SLC2A3: variants seen among roughly 807,000 people sequenced by gnomAD.
SLC2A3 encodes solute carrier family 2 member 3.
A neutral mutation model predicts 46.4 loss-of-function variants in SLC2A3; 21 were observed. That is an observed-to-expected ratio of 0.45 (90% CI 0.32 to 0.65). The LOEUF is 0.65. Among genes scored for constraint, SLC2A3 ranks in the 30% least tolerant of loss-of-function variants. The pLI, the probability that SLC2A3 is intolerant of heterozygous loss-of-function variation, is 0.04. For synonymous variants in SLC2A3, 213 were observed against 239.4 expected (o/e 0.89, Z 1.02); for missense variants, 499 against 623.3 (o/e 0.80, Z 2.12).
intron 8 of SLC2A3, among the ~76,000 whole-genome samples, chr12:7,923,686 C>A (rs1946063920): frequency 6.6e-6 from 1 of 151,694 alleles, no homozygotes; most frequent in Middle Eastern, 3.4e-3. Context: ...TCTTGAACTT[C>A]TGGGCTCAAG....
intron 6 of SLC2A3, among the ~76,000 whole-genome samples, chr12:7,928,314 C>T (rs1434096379): frequency 6.6e-6 from 1 of 151,358 alleles, no homozygotes; most frequent in African/African-American, 2.4e-5. Flanking sequence ...AGGAGAATCG[C>T]TTGAACCCAG....
chr12:7,934,030 G>T, intron 1 of SLC2A3, 128 bp from the exon 2 acceptor site: 3 of 804,794 alleles, frequency 3.7e-6, no homozygotes, highest in East Asian at 2.7e-5. Context: ...CATCCAATGA[G>T]ATTTAGGTAA....
chr12:7,936,130 A>G lies in SLC2A3; in HGVS notation c.-96T>C. The G allele has an allele frequency of 4.7e-6, 5 of 1,062,352 alleles. No individual in the cohort carries two copies. The highest frequency in any genetic ancestry group is 7.3e-6 in the Non-Finnish European group (5 of 680,512). The allele number at this position is 1,062,352 out of a possible 1,614,324, so 65.8% of individuals were successfully genotyped here. On this transcript the variant is annotated 5_prime_UTR_variant, in exon 1 of 10. Transcript: ENST00000075120. ...AAACCTTCAAAATGTCCTTCTCAGC[A>G]GCAAGTTTTCTCCACGTCCTCAGGA...
rs560656424 is a variant in SLC2A3, at chr12:7,930,991, T to G, written c.510+254A>C. ...TTTTGTGTTTTTAGTAGAGATGGGG[T>G]TTCACCATGTTAGCCAGGCTGGTCT... On this transcript the variant is annotated intron_variant, in intron 4 of 9. Coordinates refer to ENST00000075120, the MANE Select transcript of SLC2A3 (RefSeq NM_006931.3). Among the ~76,000 whole-genome samples, 238 of 151,940 alleles carry G rather than the reference T, an allele frequency of 1.6e-3. 1 individual carries two copies. The highest frequency in any genetic ancestry group is 2.9e-3 in the Non-Finnish European group (197 of 67,938).
At chr12:7,924,988 C>G (rs1175363093) in intron 7 of SLC2A3, among the ~76,000 whole-genome samples, 1 of 152,282 alleles carries the variant, frequency 6.6e-6, no homozygotes, top group Non-Finnish European at 1.5e-5. Context: ...CATGGAGAAC[C>G]AATTAAGTCT....
rs1565604324 is a variant in SLC2A3, at chr12:7,930,471, G to GA, written c.673+8dup. ...ATAATTCATGTAGTAAGGTGTGAAG[G>GA]ATACTCACTCTGCTTAGCATTCTCC... On this transcript the variant is annotated intron_variant, in intron 5 of 9. Transcript: ENST00000075120. The GA allele has an allele frequency of 6.2e-7, 1 of 1,611,842 alleles. No individual in the cohort carries two copies. The highest frequency in any genetic ancestry group is 1.7e-5 in the Admixed American group (1 of 59,906).
In SLC2A3 at chr12:7,932,847, C is replaced by A. The variant is rs762111529; in HGVS notation, c.269+140G>T. On this transcript the variant is annotated intron_variant, in intron 3 of 9. Coordinates refer to ENST00000075120, the MANE Select transcript of SLC2A3 (RefSeq NM_006931.3). ...CAAGCAAGGGCAGTCATATTCGGGG[C>A]CAGTTGGACTAGGTTTCCCTTGATT... The A allele has an allele frequency of 9.5e-6, 12 of 1,259,014 alleles. No homozygotes were observed. In the African/African-American group the frequency reaches 1.7e-4, roughly 17 times the overall value. 78.0% of individuals were successfully genotyped at this position (1,259,014 alleles called of 1,614,324 possible).
chr12:7,929,243 ACT>A (rs377755355), intron 6 of SLC2A3, among the ~76,000 whole-genome samples: 7 of 152,070 alleles, frequency 4.6e-5, no homozygotes, highest in African/African-American at 1.2e-4. Flanking sequence ...GCACAGGAAT[ACT>A]CTCTTCCTAC....
intron 8 of SLC2A3, among the ~76,000 whole-genome samples, chr12:7,923,474 GC>G (rs1946060673): frequency 6.6e-6 from 1 of 152,118 alleles, no homozygotes; most frequent in African/African-American, 2.4e-5. Flanking sequence ...AATTAGCTGA[GC>G]GTGGTGGCAC....
At position 7,920,333 on chromosome 12, in the gene SLC2A3, C is replaced by A. The variant is rs555482917; in HGVS notation, c.*1080G>T. The stretch of plus-strand genomic sequence containing the variant: ...GATGGCTCTCCCACGAGATAGGTGG[C>A]GGGATTACTTCAAAAGTAATGAGAC... On this transcript the variant is annotated 3_prime_UTR_variant, in exon 10 of 10. Transcript: ENST00000075120. 1 of 151,932 alleles carries A rather than the reference C, an allele frequency of 6.6e-6. No individual in the cohort carries two copies. The highest frequency in any genetic ancestry group is 2.4e-5 in the African/African-American group (1 of 41,338). The allele number at this position is 151,932 out of a possible 1,614,324, so 9.4% of individuals were successfully genotyped here.
chr12:7,933,293 G>A (rs1199724659), intron 2 of SLC2A3, 146 bp from the exon 3 acceptor site: 1 of 897,334 alleles, frequency 1.1e-6, no homozygotes, highest in Non-Finnish European at 1.7e-6. Context: ...TGGAATTTAT[G>A]TTAACTCTCG....
chr12:7,920,194 T>C lies in SLC2A3; in HGVS notation c.*1219A>G, dbSNP rs1946021123. 6.6e-6 allele frequency: 1 copy of C among 152,548 alleles called. No homozygotes were observed. The highest frequency in any genetic ancestry group is 2.4e-5 in the African/African-American group (1 of 41,436). 9.4% of individuals were successfully genotyped at this position (152,548 alleles called of 1,614,324 possible). On this transcript the variant is annotated 3_prime_UTR_variant, in exon 10 of 10. Coordinates refer to ENST00000075120, the MANE Select transcript of SLC2A3 (RefSeq NM_006931.3). ...TATAAACATTCTTTGGGGAATTCCT[T>C]TAAAGGTATGAGTTAAAATACAACA...
chr12:7,932,960 C>A, intron 3 of SLC2A3, 27 bp downstream of exon 3: 1 of 1,612,740 alleles, frequency 6.2e-7, no homozygotes, highest in Non-Finnish European at 8.5e-7. Flanking sequence ...GTAGAGCCCA[C>A]TTCCTTGCCC....
At position 7,923,218 on chromosome 12, in the gene SLC2A3, G is replaced by A. The variant is rs766330775; in HGVS notation, c.1069-194C>T. The A allele has an allele frequency of 1.7e-5, 10 of 590,576 alleles. No individual in the cohort carries two copies. The Admixed American group carries it at 3.3e-4, about 19-fold the overall frequency. 36.6% of individuals were successfully genotyped at this position (590,576 alleles called of 1,614,324 possible). A position where few individuals can be genotyped will look rare whatever the true frequency, so the allele number is the denominator to read the frequency against. ...GGGTCTTACTCTGTTGCCCATGCTG[G>A]AGGGCAGTGGCACTACAATAGCTCA... On this transcript the variant is annotated intron_variant, in intron 8 of 9. Coordinates refer to ENST00000075120, the MANE Select transcript of SLC2A3 (RefSeq NM_006931.3).
chr12:7,928,831 GT>G (rs3216511), intron 6 of SLC2A3, among the ~76,000 whole-genome samples: 36,729 of 149,454 alleles, frequency 0.25, 4,767 homozygotes, highest in South Asian at 0.33. Context: ...TTCCTCCCAA[GT>G]TTTTTTTTTA....
chr12:7,930,391 G>GAGTGT (rs1187191882), intron 5 of SLC2A3, 89 bp downstream of exon 5: 3 of 1,297,916 alleles, frequency 2.3e-6, no homozygotes, highest in Admixed American at 4.0e-5. Context: ...GGCAGGGAAA[G>GAGTGT]AGTGTAACAG....
intron 4 of SLC2A3, among the ~76,000 whole-genome samples, chr12:7,931,017 T>C (rs557429628): frequency 2.0e-5 from 3 of 152,076 alleles, no homozygotes; most frequent in South Asian, 2.1e-4. Flanking sequence ...AGGCTGGTCT[T>C]CATCTGCTGA....
At position 7,921,065 on chromosome 12, in the gene SLC2A3, A is replaced by G. The variant is rs187618911; in HGVS notation, c.*348T>C. 11 of 474,256 alleles carry G rather than the reference A, an allele frequency of 2.3e-5. No individual in the cohort carries two copies. In the East Asian group the frequency reaches 2.9e-4, roughly 13 times the overall value. 29.4% of individuals were successfully genotyped at this position (474,256 alleles called of 1,614,324 possible). On this transcript the variant is annotated 3_prime_UTR_variant, in exon 10 of 10. Coordinates refer to ENST00000075120, the MANE Select transcript of SLC2A3 (RefSeq NM_006931.3). ...TCCTGGTAAGTCTGAGGTTGGGGGA[A>G]CTGCACCTTACTTTTCCTCTCCTAT...
chr12:7,930,904 C>CT (rs750703979), intron 4 of SLC2A3, among the ~76,000 whole-genome samples: 14 of 146,874 alleles, frequency 9.5e-5, no homozygotes, highest in Non-Finnish European at 1.9e-4. Flanking sequence ...TCACGCCATT[C>CT]TCCCGCCTCA....
Sources: allele counts gnomAD v4.1 joint callset (sites outside exome capture counted in the v4.1 genomes callset), GRCh38; gene constraint gnomAD v4.1.1; transcripts MANE v1.5; gene names NCBI Gene and HGNC (gene_info 2026-07-23, HGNC 2026-07-21).